The following SAMTOR variants were observed in gnomAD, a reference collection of about 807,000 sequenced individuals.
SAMTOR encodes the protein S-adenosylmethionine sensor upstream of mTORC1, also known as UPF0532 protein C7orf60.
the SAMTOR span, among the ~76,000 whole-genome samples, chr7:112,869,371 G>A: frequency 1.3e-5 from 2 of 151,794 alleles, no homozygotes; most frequent in African/African-American, 2.4e-5. Context: ...ACTCATAAGC[G>A]CCATCTACTG....
the SAMTOR span, among the ~76,000 whole-genome samples, chr7:112,839,975 C>T: frequency 6.6e-6 from 1 of 151,728 alleles, no homozygotes; most frequent in Non-Finnish European, 1.5e-5. Context: ...GTCTGACAAT[C>T]TATGTTTTAA....
the SAMTOR span, among the ~76,000 whole-genome samples, chr7:112,885,781 C>T: frequency 1.3e-5 from 2 of 152,184 alleles, no homozygotes; most frequent in Admixed American, 6.5e-5. Context: ...CCAAACTGTT[C>T]TGACGTCTGC....
chr7:112,829,748 T>A, the SAMTOR span, among the ~76,000 whole-genome samples: 3 of 152,184 alleles, frequency 2.0e-5, no homozygotes, highest in Non-Finnish European at 2.9e-5. Context: ...TAGTATTTAG[T>A]CTAAGGCAAA....
chr7:112,914,762 C>T, the SAMTOR span, among the ~76,000 whole-genome samples: 3,433 of 151,874 alleles, frequency 0.023, 65 homozygotes, highest in Admixed American at 0.042. Context: ...CATTTAAAGC[C>T]ATATTTTTTA....
At chr7:112,821,123 C>G in the SAMTOR span, 1 of 152,310 alleles carries the variant, frequency 6.6e-6, no homozygotes, top group African/African-American at 2.4e-5. Context: ...TGGGGGACAT[C>G]TCTCCCCCAA....
chr7:112,882,768 A>C, the SAMTOR span, among the ~76,000 whole-genome samples: 1 of 96,106 alleles, frequency 1.0e-5, no homozygotes, highest in Admixed American at 1.0e-4. Context: ...TCTTTTTTTA[A>C]AAAAAAAAAA....
At chr7:112,841,021 A>T in the SAMTOR span, among the ~76,000 whole-genome samples, 1 of 152,134 alleles carries the variant, frequency 6.6e-6, no homozygotes, top group Non-Finnish European at 1.5e-5. Context: ...GAAAACTGGC[A>T]CATGACAAGG....
chr7:112,839,654 C>T, the SAMTOR span, among the ~76,000 whole-genome samples: 1 of 151,738 alleles, frequency 6.6e-6, no homozygotes, highest in Non-Finnish European at 1.5e-5. Context: ...AGATATTTAA[C>T]TAGATACTAT....
chr7:112,925,969 C>A, the SAMTOR span, among the ~76,000 whole-genome samples: 1 of 152,096 alleles, frequency 6.6e-6, no homozygotes, highest in Non-Finnish European at 1.5e-5. Context: ...GAAAAGCATA[C>A]CGAATGTGTC....
the SAMTOR span, among the ~76,000 whole-genome samples, chr7:112,922,209 C>T: frequency 3.3e-5 from 5 of 152,224 alleles, no homozygotes; most frequent in South Asian, 2.1e-4. Flanking sequence ...CCGTCAGCCT[C>T]GGCCTCCCGA....
the SAMTOR span, among the ~76,000 whole-genome samples, chr7:112,869,566 A>G: frequency 7.0e-6 from 1 of 143,446 alleles, no homozygotes; most frequent in East Asian, 2.0e-4. Context: ...CATAAAAATT[A>G]AAAAAAAAAA....
the SAMTOR span, among the ~76,000 whole-genome samples, chr7:112,928,823 TTG>T: frequency 6.6e-6 from 1 of 151,982 alleles, no homozygotes; most frequent in Non-Finnish European, 1.5e-5. Flanking sequence ...CTTTTTCATT[TTG>T]TGTTATTGTC....
the SAMTOR span, among the ~76,000 whole-genome samples, chr7:112,845,775 C>T: frequency 6.6e-6 from 1 of 152,166 alleles, no homozygotes; most frequent in Non-Finnish European, 1.5e-5. Context: ...CATAAAGACA[C>T]ATGCACATGT....
the SAMTOR span, among the ~76,000 whole-genome samples, chr7:112,848,563 C>T: frequency 6.1e-4 from 93 of 152,216 alleles, no homozygotes; most frequent in African/African-American, 2.2e-3. Context: ...ACTCAGAGCG[C>T]TGGAGCCTGC....
At chr7:112,879,742 C>A in the SAMTOR span, among the ~76,000 whole-genome samples, 1 of 152,096 alleles carries the variant, frequency 6.6e-6, no homozygotes, top group Non-Finnish European at 1.5e-5. Context: ...TTGGAGTGCT[C>A]AACCTGTAGA....
At chr7:112,939,427 T>A in the SAMTOR span, 1 of 1,073,420 alleles carries the variant, frequency 9.3e-7, no homozygotes, top group Non-Finnish European at 1.3e-6. Flanking sequence ...GCGCGTCTGA[T>A]GCCGACTAGG....
chr7:112,913,945 C>T, the SAMTOR span, among the ~76,000 whole-genome samples: 4 of 152,112 alleles, frequency 2.6e-5, no homozygotes, highest in African/African-American at 7.2e-5. Flanking sequence ...ATATTGTTTC[C>T]GGCCACTCAC....
At chr7:112,865,733 C>CATATATATTTCATATATACATATATTCAT in the SAMTOR span, among the ~76,000 whole-genome samples, 40 of 136,152 alleles carry the variant, frequency 2.9e-4, 2 homozygotes, top group Middle Eastern at 3.8e-3. Context: ...TACATATATT[C>CATATATATTTCATATATACATATATTCAT]ATATATATTT....
At chr7:112,923,485 T>A in the SAMTOR span, among the ~76,000 whole-genome samples, 5,046 of 149,986 alleles carry the variant, frequency 0.034, 107 homozygotes, top group Non-Finnish European at 0.05. Flanking sequence ...AAAAAATAAA[T>A]AAATAAATAA....
Sources: allele counts gnomAD v4.1 joint callset (sites outside exome capture counted in the v4.1 genomes callset), GRCh38; gene constraint gnomAD v4.1.1; transcripts MANE v1.5; gene names NCBI Gene and HGNC (gene_info 2026-07-23, HGNC 2026-07-21).